Variants in GALNT17 observed in about 807,000 individuals in gnomAD.
GALNT17 encodes the protein UDP-GalNAc:polypeptide N-acetylgalactosaminyltransferase-like 3.
In GALNT17, 29 loss-of-function variants were observed where a neutral mutation model predicts 63.7. The observed-to-expected ratio is 0.46, with a 90% CI of 0.34 to 0.62. The LOEUF is 0.62. Among genes scored for constraint, GALNT17 ranks in the 20% least tolerant of loss-of-function variants. GALNT17 has a pLI of 0.01. For synonymous variants in GALNT17, 305 were observed against 318.3 expected (o/e 0.96, Z 0.45); for missense variants, 603 against 799.6 (o/e 0.75, Z 2.97).
chr7:71,685,552 C>T (rs1316468685), intron 9 of GALNT17: 1 of 152,132 alleles, frequency 6.6e-6, no homozygotes. Flanking sequence ...TGCAGATACT[C>T]GTATACCCTT....
At position 71,623,270 on chromosome 7, in the gene GALNT17, A is replaced by G. The variant is rs575690585; in HGVS notation, c.1081-42141A>G. On this transcript the variant is annotated intron_variant, in intron 6 of 10. Coordinates refer to ENST00000333538, the MANE Select transcript of GALNT17 (RefSeq NM_022479.3). ...TCCTCATCAGAAAATGAGAAGAAGA[A>G]TCATATCTGCTTTCCAGGGTTTTTG... 6.2e-4 allele frequency among the ~76,000 whole-genome samples: 94 copies of G among 152,138 alleles called. 1 individual carries two copies. Among genetic ancestry groups the G allele is most frequent in the African/African-American group, 2.2e-3 (91 of 41,508 alleles).
At chr7:71,609,039 C>G (rs985073388) in intron 6 of GALNT17, among the ~76,000 whole-genome samples, 8 of 151,940 alleles carry the variant, frequency 5.3e-5, no homozygotes, top group African/African-American at 1.9e-4. Flanking sequence ...TTACAGCCTC[C>G]CAAAGTACTG....
At chr7:71,604,885 T>C (rs562155403) in intron 6 of GALNT17, among the ~76,000 whole-genome samples, 1 of 152,292 alleles carries the variant, frequency 6.6e-6, no homozygotes, top group South Asian at 2.1e-4. Context: ...TCTCCTGTCT[T>C]GCTCAGAAAA....
rs573984751 is a variant in GALNT17 at position 71,456,124 on chromosome 7, T to C, written c.962+35019T>C. Among the ~76,000 whole-genome samples, 206 of 152,068 alleles carry C rather than the reference T, an allele frequency of 1.4e-3. 1 individual carries two copies. The highest frequency in any genetic ancestry group is 2.5e-3 in the Non-Finnish European group (168 of 68,028). Reference sequence around the variant, plus strand: ...ATCTGGGCGTGGTGCCACGTGCCTGTAGTCCCAGCTATTCAGGAGGCTGAG... The same window carrying C: ...ATCTGGGCGTGGTGCCACGTGCCTGCAGTCCCAGCTATTCAGGAGGCTGAG... On this transcript the variant is annotated intron_variant, in intron 5 of 10. Transcript: ENST00000333538.
At chr7:71,384,133 TTTTTTTG>T (rs1792896378) in intron 2 of GALNT17, among the ~76,000 whole-genome samples, 3 of 151,922 alleles carry the variant, frequency 2.0e-5, no homozygotes, top group African/African-American at 2.4e-5. Flanking sequence ...TTTTGTTTTG[TTTTTTTG>T]TTTTTTGTTT....
intron 1 of GALNT17, among the ~76,000 whole-genome samples, chr7:71,143,407 CA>C (rs66560650): frequency 0.25 from 28,649 of 116,626 alleles, 3,043 homozygotes; most frequent in African/African-American, 0.36. Context: ...GAGACTGTCT[CA>C]AAAAAAAAAA....
intron 1 of GALNT17, among the ~76,000 whole-genome samples, chr7:71,326,121 C>T (rs1022380621): frequency 6.6e-6 from 1 of 151,466 alleles, no homozygotes; most frequent in Non-Finnish European, 1.5e-5. Flanking sequence ...TATTGTGTTG[C>T]AGAAAAAAAA....
Position 71,377,114 on chromosome 7 carries a change from A to AAAATATAT in GALNT17, c.423-11120_423-11119insAATATATA. 2.5e-3 allele frequency among the ~76,000 whole-genome samples: 142 copies of AAAATATAT among 57,426 alleles called. 19 individuals are homozygous for AAAATATAT. Among genetic ancestry groups the AAAATATAT allele is most frequent in the Admixed American group, 3.8e-3 (15 of 3,984 alleles). 37.7% of individuals were successfully genotyped at this position (57,426 alleles called of 152,430 possible). ...AAAAAAAAAAAATAAAAATAAAAAA[A>AAAATATAT]ATATATATATATATATATATATATA... On this transcript the variant is annotated intron_variant, in intron 2 of 10. Coordinates refer to ENST00000333538, the MANE Select transcript of GALNT17 (RefSeq NM_022479.3).
chr7:71,356,705 C>T (rs1452506301), intron 2 of GALNT17, among the ~76,000 whole-genome samples: 1 of 152,132 alleles, frequency 6.6e-6, no homozygotes, highest in Admixed American at 6.6e-5. Context: ...CCAGTGGGCC[C>T]CGCCTCCAAC....
intron 6 of GALNT17, among the ~76,000 whole-genome samples, chr7:71,596,246 G>A (rs1211136561): frequency 1.3e-5 from 2 of 152,026 alleles, no homozygotes; most frequent in Non-Finnish European, 2.9e-5. Context: ...CACCATGTTG[G>A]CCAGGCTGGT....
intron 1 of GALNT17, among the ~76,000 whole-genome samples, chr7:71,187,554 G>T (rs1250326312): frequency 3.3e-5 from 5 of 151,956 alleles, no homozygotes; most frequent in African/African-American, 1.2e-4. Flanking sequence ...AAAATAAATG[G>T]TTTCCTAATA....
chr7:71,422,743 A>T (rs1385778713), intron 5 of GALNT17, among the ~76,000 whole-genome samples: 1 of 152,202 alleles, frequency 6.6e-6, no homozygotes, highest in African/African-American at 2.4e-5. Flanking sequence ...TAATCAGCTT[A>T]CTTAGACCCT....
chr7:71,165,148 C>G (rs1788413103), intron 1 of GALNT17, among the ~76,000 whole-genome samples: 1 of 135,716 alleles, frequency 7.4e-6, no homozygotes, highest in Admixed American at 7.6e-5. Context: ...ATTGGTGGAC[C>G]ATAGCTCAAA....
intron 1 of GALNT17, among the ~76,000 whole-genome samples, chr7:71,230,934 C>G (rs1011582682): frequency 1.3e-5 from 2 of 152,128 alleles, no homozygotes; most frequent in East Asian, 1.9e-4. Context: ...CTCATTGAAT[C>G]AGAAACTGTA....
At chr7:71,329,940 TACAC>T (rs1374155148) in intron 1 of GALNT17, among the ~76,000 whole-genome samples, 3 of 28,018 alleles carry the variant, frequency 1.1e-4, no homozygotes, top group Non-Finnish European at 2.7e-4. Flanking sequence ...TGTATATATA[TACAC>T]ACATATGTGT....
intron 5 of GALNT17, among the ~76,000 whole-genome samples, chr7:71,541,430 G>C (rs928922267): frequency 1.3e-5 from 2 of 151,964 alleles, no homozygotes; most frequent in South Asian, 4.2e-4. Flanking sequence ...GCAGGCACCT[G>C]TAATCCCAGC....
Position 71,701,803 on chromosome 7 carries a change from G to GTATA in GALNT17, c.1501-8949_1501-8946dup, listed in dbSNP as rs1554326539. Among the ~76,000 whole-genome samples the GTATA allele has an allele frequency of 1.1e-3, 34 of 30,730 alleles. No homozygotes were observed. The South Asian group carries it at 0.021, about 19-fold the overall frequency. The allele number at this position is 30,730 out of a possible 152,430, so 20.2% of individuals were successfully genotyped here. A position where few individuals can be genotyped will look rare whatever the true frequency, so the allele number is the denominator to read the frequency against. On this transcript the variant is annotated intron_variant, in intron 9 of 10. Coordinates refer to ENST00000333538, the MANE Select transcript of GALNT17 (RefSeq NM_022479.3). The stretch of plus-strand genomic sequence containing the variant: ...TGTGTGTATATATATGTGTGTGTGT[G>GTATA]TATATATATATACACATATATATAC...
chr7:71,216,172 G>A (rs556394040), intron 1 of GALNT17, among the ~76,000 whole-genome samples: 3 of 152,114 alleles, frequency 2.0e-5, no homozygotes, highest in Admixed American at 6.6e-5. Flanking sequence ...AGCCAAGATC[G>A]CACCATTGCA....
At chr7:71,592,164 A>G (rs888786752) in intron 6 of GALNT17, among the ~76,000 whole-genome samples, 12 of 152,010 alleles carry the variant, frequency 7.9e-5, no homozygotes, top group Non-Finnish European at 1.2e-4. Flanking sequence ...AGCAGGAAGG[A>G]ATCAAGGCTG....
Sources: allele counts gnomAD v4.1 joint callset (sites outside exome capture counted in the v4.1 genomes callset), GRCh38; gene constraint gnomAD v4.1.1; transcripts MANE v1.5; gene names NCBI Gene and HGNC (gene_info 2026-07-23, HGNC 2026-07-21).